The following TUT4 variants were observed in gnomAD, a reference collection of about 807,000 sequenced individuals.
TUT4 encodes terminal uridylyl transferase 4, also known as terminal uridylyltransferase 4.
TUT4 carries 36 observed loss-of-function variants against 192.2 expected under a neutral mutation model. That is an observed-to-expected ratio of 0.19 (90% CI 0.14 to 0.25). The LOEUF (loss-of-function observed/expected upper bound fraction) is 0.25, where lower values mean the gene tolerates loss of function less well. Ranked by LOEUF, TUT4 falls within the 10% of genes least tolerant of loss-of-function variation. The probability of loss-of-function intolerance (pLI) is 1.00; values close to 1 mark genes in which losing one functional copy is unlikely to be tolerated. For missense variants in TUT4, 1,493 were observed against 1,957.2 expected, an observed-to-expected ratio of 0.76 and a Z score of 4.47; for synonymous variants, 618 against 666.0, an observed-to-expected ratio of 0.93 and a Z score of 1.11.
rs1465513368 is a variant in TUT4, at chr1:52,436,813, A to G, written c.4104T>C (p.His1368=). 1.2e-6 allele frequency: 2 copies of G among 1,612,964 alleles called. No homozygotes were observed. Among genetic ancestry groups the G allele is most frequent in the Non-Finnish European group, 1.7e-6 (2 of 1,179,942 alleles). ...LRCFICGDAG[H]VRRECPEVKL... ...TGACCTCTGGGCACTCCCTTCGTAC[A>G]TGTCCAGCATCTCCACATATAAAAC... The change falls in exon 26 of 30, where the codon CAT becomes CAC. Residue 1368 remains histidine, a synonymous_variant. Coordinates refer to ENST00000257177, the MANE Select transcript of TUT4 (RefSeq NM_001009881.3).
At position 52,465,060 on chromosome 1, in the gene TUT4, A is replaced by T. The variant is rs769493751; in HGVS notation, c.3069+10T>A. ...AATAAACTTACATAACGCTTTCCAA[A>T]CACTCTTACCTCTGCATTTTCATGG... On this transcript the variant is annotated intron_variant, in intron 16 of 29. Coordinates refer to ENST00000257177, the MANE Select transcript of TUT4 (RefSeq NM_001009881.3). 2 of 1,583,902 alleles carry T rather than the reference A, an allele frequency of 1.3e-6. No homozygotes were observed. Among genetic ancestry groups the T allele is most frequent in the South Asian group, 2.3e-5 (2 of 85,548 alleles).
intron 8 of TUT4, 71 bp from the exon 9 acceptor site, chr1:52,489,106 C>T (rs967020140): frequency 2.1e-6 from 3 of 1,436,646 alleles, no homozygotes; most frequent in Non-Finnish European, 1.8e-6. Context: ...AATCCTGTGG[C>T]TATTTTCTTT....
chr1:52,465,659 C>G (rs1382366987), intron 15 of TUT4, among the ~76,000 whole-genome samples: 1 of 152,212 alleles, frequency 6.6e-6, no homozygotes, highest in African/African-American at 2.4e-5. Context: ...TATTTGAGGA[C>G]TGCCCTCTTA....
intron 29 of TUT4, 95 bp from the exon 30 acceptor site, chr1:52,424,097 T>A: frequency 7.8e-7 from 1 of 1,278,816 alleles, no homozygotes; most frequent in Non-Finnish European, 1.1e-6. Flanking sequence ...TCTTTTTTTC[T>A]ATTTATATAA....
chr1:52,428,980 A>G (rs928846778), intron 28 of TUT4, among the ~76,000 whole-genome samples: 1 of 152,152 alleles, frequency 6.6e-6, no homozygotes, highest in South Asian at 2.1e-4. Context: ...ATCCGATAAA[A>G]GAATAGCAAA....
intron 15 of TUT4, 53 bp from the exon 16 acceptor site, chr1:52,465,226 T>C: frequency 1.2e-5 from 14 of 1,213,402 alleles, no homozygotes; most frequent in African/African-American, 1.5e-5. Context: ...AGAGGAGGAG[T>C]CTTCTGCTAT....
chr1:52,435,945 A>T (rs920277370), intron 26 of TUT4, among the ~76,000 whole-genome samples: 1 of 151,170 alleles, frequency 6.6e-6, no homozygotes, highest in African/African-American at 2.4e-5. Context: ...CACACACACA[A>T]ACCTTTCTGC....
intron 11 of TUT4, among the ~76,000 whole-genome samples, chr1:52,478,875 TAC>T (rs1667769509): frequency 6.6e-6 from 1 of 152,316 alleles, no homozygotes; most frequent in East Asian, 1.9e-4. Flanking sequence ...GCACTCGGGA[TAC>T]ATCTTTGAGG....
chr1:52,510,735 CT>C, intron 3 of TUT4, among the ~76,000 whole-genome samples: 1 of 152,226 alleles, frequency 6.6e-6, no homozygotes, highest in Non-Finnish European at 1.5e-5. Context: ...TTTAATTCCC[CT>C]AATCATCTGA....
intron 18 of TUT4, 137 bp from the exon 19 acceptor site, chr1:52,461,360 A>G: frequency 9.1e-7 from 1 of 1,101,302 alleles, no homozygotes; most frequent in Non-Finnish European, 1.3e-6. Flanking sequence ...GAGTCAAACA[A>G]AAACTGACCT....
chr1:52,547,661 G>T (rs1413411113), intron 1 of TUT4, among the ~76,000 whole-genome samples: 1 of 152,126 alleles, frequency 6.6e-6, no homozygotes, highest in East Asian at 1.9e-4. Context: ...ACAAAACGTG[G>T]TATCTCCATA....
chr1:52,494,246 A>G (rs1456103384), intron 6 of TUT4, among the ~76,000 whole-genome samples: 2 of 152,222 alleles, frequency 1.3e-5, no homozygotes, highest in Non-Finnish European at 2.9e-5. Flanking sequence ...AAAACAAAAG[A>G]GAAATGAGTT....
chr1:52,487,537 T>C (rs1670110968), intron 9 of TUT4, among the ~76,000 whole-genome samples: 1 of 152,006 alleles, frequency 6.6e-6, no homozygotes, highest in Non-Finnish European at 1.5e-5. Flanking sequence ...AGGCATAGAG[T>C]ATAAGATAAA....
intron 2 of TUT4, among the ~76,000 whole-genome samples, chr1:52,522,868 T>C (rs1680653746): frequency 6.6e-6 from 1 of 151,848 alleles, no homozygotes; most frequent in Non-Finnish European, 1.5e-5. Flanking sequence ...GAGGTTGCAG[T>C]GAGCCTAGAT....
At chr1:52,434,544 C>G (rs1026633606) in intron 27 of TUT4, 2 of 152,116 alleles carry the variant, frequency 1.3e-5, no homozygotes, top group African/African-American at 2.4e-5. Flanking sequence ...CAATATTAAA[C>G]TTATGAGTCT....
chr1:52,525,775 T>C lies in TUT4; in HGVS notation c.506A>G (p.Lys169Arg). The C allele has an allele frequency of 6.2e-7, 1 of 1,614,202 alleles. No individual in the cohort carries two copies. Among genetic ancestry groups the C allele is most frequent in the Non-Finnish European group, 8.5e-7 (1 of 1,180,038 alleles). ...EAEKGPSLLL[K>R]DMRQKTELQQ... ...TAATTCTGTCTTCTGTCTCATGTCT[T>C]TCAACAGTAAACTGGGTCCCTTTTC... Residue 169 changes from lysine to arginine, a missense_variant, in exon 2 of 30, where the codon AAA (lysine) becomes AGA (arginine). By Grantham distance (26) the Lys-to-Arg change is conservative. Coordinates refer to ENST00000257177, the MANE Select transcript of TUT4 (RefSeq NM_001009881.3).
At chr1:52,441,084 C>T (rs1015643765) in intron 24 of TUT4, among the ~76,000 whole-genome samples, 1 of 151,612 alleles carries the variant, frequency 6.6e-6, no homozygotes, top group African/African-American at 2.4e-5. Flanking sequence ...TCAAAGTAGA[C>T]AGAATAATCT....
chr1:52,516,174 G>A, intron 2 of TUT4, 120 bp from the exon 3 acceptor site: 1 of 837,992 alleles, frequency 1.2e-6, no homozygotes, highest in Non-Finnish European at 1.8e-6. Context: ...ATTTTCCTTA[G>A]GAAAGTATAC....
chr1:52,548,676 CTA>C (rs545320681), intron 1 of TUT4, among the ~76,000 whole-genome samples: 13 of 152,100 alleles, frequency 8.5e-5, no homozygotes, highest in Non-Finnish European at 1.9e-4. Context: ...CTCATAGTAA[CTA>C]TGCAATAAGT....
Sources: allele counts gnomAD v4.1 joint callset (sites outside exome capture counted in the v4.1 genomes callset), GRCh38; gene constraint gnomAD v4.1.1; transcripts MANE v1.5; gene names NCBI Gene and HGNC (gene_info 2026-07-23, HGNC 2026-07-21).